The following ABHD18 variants were observed in gnomAD, a reference collection of about 807,000 sequenced individuals.
The protein encoded by ABHD18 is abhydrolase domain containing 18.
A neutral mutation model predicts 65.9 loss-of-function variants in ABHD18; 55 were observed. The ratio of observed to expected loss-of-function variants is 0.84; its 90% confidence interval spans 0.67 to 1.05. The LOEUF (loss-of-function observed/expected upper bound fraction) is 1.05, where lower values mean the gene tolerates loss of function less well. Among genes scored for constraint, ABHD18 ranks in the 50% least tolerant of loss-of-function variants. The pLI, the probability that ABHD18 is intolerant of heterozygous loss-of-function variation, is 0.00. For synonymous variants in ABHD18, 181 were observed against 180.2 expected (o/e 1.00, Z -0.04); for missense variants, 533 against 558.5 (o/e 0.95, Z 0.46).
At chr4:127,992,351 T>C (rs1468187564) in intron 4 of ABHD18, among the ~76,000 whole-genome samples, 2 of 152,002 alleles carry the variant, frequency 1.3e-5, no homozygotes, top group African/African-American at 4.8e-5. Context: ...GGCAGACATC[T>C]GTAATCCCAG....
chr4:127,987,059 T>A (rs1322948740), intron 3 of ABHD18, among the ~76,000 whole-genome samples: 1 of 152,198 alleles, frequency 6.6e-6, no homozygotes, highest in African/African-American at 2.4e-5. Context: ...CCTTTATTAA[T>A]AATTAATAAT....
chr4:128,006,150 A>C (rs1239436326), intron 4 of ABHD18, among the ~76,000 whole-genome samples: 1 of 152,240 alleles, frequency 6.6e-6, no homozygotes, highest in East Asian at 1.9e-4. Context: ...GAGCAGAGAC[A>C]CTGATTACTG....
chr4:128,013,478 A>G (rs922675931), intron 7 of ABHD18, among the ~76,000 whole-genome samples: 1 of 152,178 alleles, frequency 6.6e-6, no homozygotes, highest in Non-Finnish European at 1.5e-5. Context: ...AGGCGGGCAG[A>G]TCACAAGGTC....
At chr4:127,993,649 G>A (rs1343915572) in intron 4 of ABHD18, among the ~76,000 whole-genome samples, 1 of 151,964 alleles carries the variant, frequency 6.6e-6, no homozygotes, top group Non-Finnish European at 1.5e-5. Flanking sequence ...TCTCCTATGT[G>A]TTCACATACA....
chr4:128,022,760 G>A (rs533153407), intron 10 of ABHD18, among the ~76,000 whole-genome samples: 2 of 150,060 alleles, frequency 1.3e-5, no homozygotes, highest in East Asian at 4.0e-4. Flanking sequence ...AAAAGTGACC[G>A]ATCCTTTTCT....
chr4:128,017,258 T>C, intron 7 of ABHD18, 105 bp from the exon 8 acceptor site: 1 of 1,052,386 alleles, frequency 9.5e-7, no homozygotes. Flanking sequence ...AACTATCTGG[T>C]CCTTTAGAAG....
intron 1 of ABHD18, among the ~76,000 whole-genome samples, chr4:127,971,214 A>G (rs1036154584): frequency 6.8e-6 from 1 of 147,764 alleles, no homozygotes; most frequent in Non-Finnish European, 1.5e-5. Context: ...TGATTGCCCC[A>G]CTCGCACTCA....
At chr4:127,979,616 T>A (rs1560828743) in intron 1 of ABHD18, among the ~76,000 whole-genome samples, 1 of 151,666 alleles carries the variant, frequency 6.6e-6, no homozygotes, top group African/African-American at 2.4e-5. Context: ...AACAAGGTAT[T>A]AAAATATTAA....
rs1746103466 is a variant in ABHD18 at position 127,968,386 on chromosome 4, A to C, written c.-18+2780A>C. On this transcript the variant is annotated intron_variant, in intron 1 of 12. Transcript: ENST00000645843. Reference sequence around the variant, plus strand: ...TTGTATAGACATTATTTAGAAGTGAAATTACAAGATAAAATTTAAAGTCTT... The same window carrying C: ...TTGTATAGACATTATTTAGAAGTGACATTACAAGATAAAATTTAAAGTCTT... Among the ~76,000 whole-genome samples the C allele has an allele frequency of 2.6e-5, 4 of 152,238 alleles. No homozygotes were observed. In the South Asian group the frequency reaches 6.2e-4, roughly 24 times the overall value.
At chr4:128,020,057 GCT>G in intron 8 of ABHD18, 21 bp from the exon 9 acceptor site, 1 of 1,492,680 alleles carries the variant, frequency 6.7e-7, no homozygotes. Flanking sequence ...CTAAATAGAC[GCT>G]CTCTATCTGT....
At chr4:127,970,140 C>T (rs1746455373) in intron 1 of ABHD18, among the ~76,000 whole-genome samples, 1 of 152,006 alleles carries the variant, frequency 6.6e-6, no homozygotes, top group South Asian at 2.1e-4. Flanking sequence ...TCCTCAGCGT[C>T]CCAAAGTGCT....
intron 1 of ABHD18, among the ~76,000 whole-genome samples, chr4:127,980,248 A>G (rs1432614665): frequency 1.3e-5 from 2 of 152,166 alleles, no homozygotes; most frequent in Non-Finnish European, 2.9e-5. Flanking sequence ...AGTGAGTTCG[A>G]TTCTCTATTG....
chr4:127,973,036 C>T (rs1747148696), intron 1 of ABHD18, among the ~76,000 whole-genome samples: 1 of 152,030 alleles, frequency 6.6e-6, no homozygotes. Context: ...TTTTCTTAGA[C>T]CGGGTCTCAC....
chr4:127,997,449 C>T (rs538253456), intron 4 of ABHD18, among the ~76,000 whole-genome samples: 2 of 152,178 alleles, frequency 1.3e-5, no homozygotes, highest in Non-Finnish European at 2.9e-5. Flanking sequence ...CAACAAAAGA[C>T]TAGGCAGAAT....
chr4:127,997,958 C>T (rs1480957485), intron 4 of ABHD18, among the ~76,000 whole-genome samples: 2 of 152,062 alleles, frequency 1.3e-5, no homozygotes, highest in African/African-American at 4.8e-5. Context: ...AGCGCAATCA[C>T]AGCTCACTGC....
At chr4:127,997,595 G>T (rs1751946644) in intron 4 of ABHD18, among the ~76,000 whole-genome samples, 1 of 152,140 alleles carries the variant, frequency 6.6e-6, no homozygotes, top group South Asian at 2.1e-4. Flanking sequence ...TTGCCTTTTG[G>T]AATGTGTAGT....
At chr4:127,984,313 C>T in intron 2 of ABHD18, 26 bp from the exon 3 acceptor site, 3 of 1,437,204 alleles carry the variant, frequency 2.1e-6, no homozygotes, top group Admixed American at 2.0e-5. Flanking sequence ...TTAATTTTTT[C>T]CTTTTTGTCT....
chr4:128,039,168 TATA>T lies in ABHD18; in HGVS notation c.*3356_*3358del, dbSNP rs1759143700. ...GCATATATATATATATATATATATA[TATA>T]TATATATATATATAATCTCAAAGAA... On this transcript the variant is annotated 3_prime_UTR_variant, in exon 13 of 13. Transcript: ENST00000645843. 7.2e-6 allele frequency: 1 copy of T among 138,540 alleles called. No homozygotes were observed. The highest frequency in any genetic ancestry group is 2.9e-5 in the African/African-American group (1 of 34,638). 8.6% of individuals were successfully genotyped at this position (138,540 alleles called of 1,614,324 possible). A position where few individuals can be genotyped will look rare whatever the true frequency, so the allele number is the denominator to read the frequency against.
In ABHD18 at chr4:128,020,060, C is replaced by G. The variant is rs369691377; in HGVS notation, c.610-20C>G. ...TGAATAGAAACTCTAAATAGACGCT[C>G]TCTATCTGTTATATTACAGATGGCT... On this transcript the variant is annotated intron_variant, in intron 8 of 12. Coordinates refer to ENST00000645843, the MANE Select transcript of ABHD18 (RefSeq NM_001358451.3). 42 of 1,531,814 alleles carry G rather than the reference C, an allele frequency of 2.7e-5. No homozygotes were observed. In the African/African-American group the frequency reaches 3.8e-4, roughly 14 times the overall value. The allele number at this position is 1,531,814 out of a possible 1,614,324, so 94.9% of individuals were successfully genotyped here. A position where few individuals can be genotyped will look rare whatever the true frequency, so the allele number is the denominator to read the frequency against.
Sources: gnomAD v4.1 joint callset for allele counts (sites outside exome capture counted in the v4.1 genomes callset) on GRCh38, gnomAD v4.1.1 for gene constraint, MANE v1.5 for transcripts, NCBI Gene and HGNC (gene_info 2026-07-23, HGNC 2026-07-21) for gene names.